The following KIF13B variants were observed in gnomAD, a reference collection of about 807,000 sequenced individuals.
The protein encoded by KIF13B is kinesin-like protein KIF13B.
In KIF13B, 127 loss-of-function variants were observed where a neutral mutation model predicts 222.0. The ratio of observed to expected loss-of-function variants is 0.57; its 90% CI spans 0.50 to 0.66. KIF13B has a LOEUF of 0.66. Among genes scored for constraint, KIF13B ranks in the 30% least tolerant of loss-of-function variants. The probability of loss-of-function intolerance (pLI) is 0.00; values close to 1 mark genes in which losing one functional copy is unlikely to be tolerated. For synonymous variants in KIF13B, 976 were observed against 919.0 expected (o/e 1.06, Z -1.12); for missense variants, 2,173 against 2,379.0 (o/e 0.91, Z 1.80).
intron 37 of KIF13B, among the ~76,000 whole-genome samples, chr8:29,089,847 T>C (rs975207974): frequency 6.8e-6 from 1 of 146,120 alleles, no homozygotes; most frequent in Non-Finnish European, 1.5e-5. Context: ...TGAGCCAAGA[T>C]TGCACTCCAG....
At chr8:29,165,859 T>C (rs1811972517) in intron 11 of KIF13B, 87 bp from the exon 12 acceptor site, 2 of 869,586 alleles carry the variant, frequency 2.3e-6, no homozygotes, top group African/African-American at 1.7e-5. Flanking sequence ...AAAGTAACAA[T>C]CTGCCTCCTC....
intron 2 of KIF13B, among the ~76,000 whole-genome samples, chr8:29,210,706 C>T (rs904446111): frequency 2.0e-5 from 3 of 152,132 alleles, no homozygotes; most frequent in Non-Finnish European, 4.4e-5. Flanking sequence ...TTCCCTGGTC[C>T]TTTTCCTTTA....
intron 2 of KIF13B, among the ~76,000 whole-genome samples, chr8:29,234,518 G>A (rs2130602282): frequency 6.7e-6 from 1 of 148,428 alleles, no homozygotes; most frequent in South Asian, 2.2e-4. Context: ...TGGGAGGAAT[G>A]GGGATCTCGT....
intron 35 of KIF13B, among the ~76,000 whole-genome samples, chr8:29,102,214 G>A (rs1808821712): frequency 6.6e-6 from 1 of 152,170 alleles, no homozygotes; most frequent in Admixed American, 6.5e-5. Flanking sequence ...AATAGCTCAG[G>A]TCTAAACGTG....
chr8:29,078,698 G>C (rs144715905), intron 37 of KIF13B, among the ~76,000 whole-genome samples: 1 of 152,214 alleles, frequency 6.6e-6, no homozygotes, highest in South Asian at 2.1e-4. Context: ...AAGTGAATAT[G>C]AGTATAATTA....
At position 29,099,176 on chromosome 8, in the gene KIF13B, G is replaced by C. The variant is rs367799854; in HGVS notation, c.4281C>G (p.Pro1427=). Residue 1427 remains proline (P), a synonymous_variant, in exon 36 of 40, where the codon CCC becomes CCG. Transcript: ENST00000524189. ...TTVSRGIAPA[P]ALSVSPQNNH... Reference sequence around the variant, plus strand: ...TATTTTGGGGAGAAACAGAGAGGGCGGGGGCAGGAGCTATTCCTCTGGAAA... The same window carrying C: ...TATTTTGGGGAGAAACAGAGAGGGCCGGGGCAGGAGCTATTCCTCTGGAAA... The C allele has an allele frequency of 2.5e-5, 41 of 1,613,488 alleles. No homozygotes were observed. Among genetic ancestry groups the C allele is most frequent in the Non-Finnish European group, 3.2e-5 (38 of 1,179,650 alleles).
Position 29,071,541 on chromosome 8 carries a change from G to A in KIF13B, c.5218+79C>T, listed in dbSNP as rs548460976. On this transcript the variant is annotated intron_variant, in intron 39 of 39. Coordinates refer to ENST00000524189, the MANE Select transcript of KIF13B (RefSeq NM_015254.4). This position sits in a 1 kb window ranked among gnomAD's most constrained non-coding sequence, Gnocchi z 4.9. ...CCCCTCCCTCTCCTGCCCGGACCCT[G>A]TCCCCTCCCAGGCCGGCCACGTTCC... The A allele has an allele frequency of 2.7e-3, 3,503 of 1,315,400 alleles. 9 individuals carry two copies. Among genetic ancestry groups the A allele is most frequent in the Non-Finnish European group, 3.2e-3 (3,050 of 947,700 alleles). 81.5% of individuals were successfully genotyped at this position (1,315,400 alleles called of 1,614,324 possible).
At chr8:29,213,190 G>T (rs988587942) in intron 2 of KIF13B, among the ~76,000 whole-genome samples, 1 of 152,070 alleles carries the variant, frequency 6.6e-6, no homozygotes, top group African/African-American at 2.4e-5. Context: ...CATACTTCAC[G>T]CTGCTGTGCA....
At chr8:29,107,715 C>A (rs972049943) in intron 35 of KIF13B, among the ~76,000 whole-genome samples, 2 of 151,918 alleles carry the variant, frequency 1.3e-5, no homozygotes, top group East Asian at 3.9e-4. Flanking sequence ...TGCCCGCCAC[C>A]TCGCCTGACT....
In KIF13B at chr8:29,188,511, T is replaced by C; in HGVS notation, c.316+4A>G. ...TTATGTGATTTCATGTTATTTAACA[T>C]TACCAGTCTGTCCATAGGCAAAGAT... On this transcript the variant is annotated splice_donor_region_variant and intron_variant, in intron 5 of 39. Transcript: ENST00000524189. 2 of 1,553,228 alleles carry C rather than the reference T, an allele frequency of 1.3e-6. No individual in the cohort carries two copies. The highest frequency in any genetic ancestry group is 1.4e-5 in the African/African-American group (1 of 73,718).
intron 18 of KIF13B, among the ~76,000 whole-genome samples, chr8:29,144,431 T>C (rs57324803): frequency 0.18 from 27,807 of 151,868 alleles, 2,720 homozygotes; most frequent in Admixed American, 0.29. Flanking sequence ...CTGATTTTTG[T>C]ATTTTTAATA....
chr8:29,090,326 C>G (rs17526904), intron 37 of KIF13B, among the ~76,000 whole-genome samples: 1 of 151,904 alleles, frequency 6.6e-6, no homozygotes, highest in Non-Finnish European at 1.5e-5. Flanking sequence ...GCTAAAGCCA[C>G]GGAACTCAAT....
At chr8:29,191,697 A>C (rs973174112) in intron 3 of KIF13B, among the ~76,000 whole-genome samples, 1 of 152,202 alleles carries the variant, frequency 6.6e-6, no homozygotes, top group African/African-American at 2.4e-5. Context: ...TTGATCTTTC[A>C]CCTTATCACC....
At chr8:29,073,180 G>A (rs1368953006) in intron 38 of KIF13B, among the ~76,000 whole-genome samples, 5 of 150,210 alleles carry the variant, frequency 3.3e-5, no homozygotes, top group Admixed American at 3.3e-4. Context: ...GGGGACAAAG[G>A]CTCCCTGTGG....
At chr8:29,210,571 T>C (rs1467929142) in intron 2 of KIF13B, among the ~76,000 whole-genome samples, 2 of 152,212 alleles carry the variant, frequency 1.3e-5, no homozygotes, top group African/African-American at 4.8e-5. Flanking sequence ...AAAAAGTGTA[T>C]GGCAGATGAC....
chr8:29,169,823 T>G (rs1338718004), intron 10 of KIF13B, among the ~76,000 whole-genome samples: 2 of 152,176 alleles, frequency 1.3e-5, no homozygotes, highest in Non-Finnish European at 2.9e-5. Flanking sequence ...GAATTCAATC[T>G]CATCACCATT....
intron 37 of KIF13B, among the ~76,000 whole-genome samples, chr8:29,083,355 C>T (rs1807900017): frequency 1.3e-5 from 2 of 152,120 alleles, no homozygotes; most frequent in South Asian, 4.1e-4. Flanking sequence ...GCATGCAAAT[C>T]CTAAAATATT....
Position 29,186,365 on chromosome 8 carries a change from G to C in KIF13B, c.424C>G (p.Gln142Glu). The C allele has an allele frequency of 1.2e-6, 2 of 1,613,664 alleles. No individual in the cohort carries two copies. The highest frequency in any genetic ancestry group is 1.7e-6 in the Non-Finnish European group (2 of 1,179,648). ...TAGGACACTTCTACTTTAAAACTCT[G>C]TTCTTCATTTTCCTCTTTCTGAGTT... ...ERTQKEENEE[Q>E]SFKVEVSYME... Residue 142 changes from glutamine to glutamate, a missense_variant, in exon 6 of 40, where the codon CAG (glutamine) becomes GAG (glutamate). Gln to Glu is a conservative substitution (Grantham distance 29). Transcript: ENST00000524189.
intron 2 of KIF13B, among the ~76,000 whole-genome samples, chr8:29,197,336 CAAAAAAAAAAAAA>C (rs71222598): frequency 1.7e-5 from 1 of 57,780 alleles, no homozygotes; most frequent in African/African-American, 7.2e-5. Context: ...GACTCCGTCT[CAAAAAAAAAAAAA>C]AAAAAAAAAA....
Sources: gnomAD v4.1 joint callset for allele counts (sites outside exome capture counted in the v4.1 genomes callset) on GRCh38, gnomAD v4.1.1 for gene constraint, Gnocchi (gnomAD v3.1) non-coding constraint, MANE v1.5 for transcripts, NCBI Gene and HGNC (gene_info 2026-07-23, HGNC 2026-07-21) for gene names.